Variants in FBXW10B observed in about 807,000 individuals in gnomAD.
FBXW10B encodes the protein F-box and WD repeat domain containing 10B, also known as F-box and WD repeat domain containing protein 10B.
the FBXW10B span, among the ~76,000 whole-genome samples, chr17:15,608,955 T>G: frequency 1.3e-5 from 2 of 151,650 alleles, no homozygotes; most frequent in Non-Finnish European, 2.9e-5. Flanking sequence ...ATTTCCTTCC[T>G]GCCTGCCTGC....
the FBXW10B span, among the ~76,000 whole-genome samples, chr17:15,606,827 T>C: frequency 9.2e-5 from 14 of 152,166 alleles, no homozygotes; most frequent in African/African-American, 3.1e-4. Context: ...CTGTTCTGTC[T>C]TCCCCATACT....
the FBXW10B span, chr17:15,573,085 TCTC>T: frequency 6.6e-6 from 1 of 152,258 alleles, no homozygotes; most frequent in African/African-American, 2.4e-5. Context: ...TGCCTACTCT[TCTC>T]TGAAACGTTC....
the FBXW10B span, among the ~76,000 whole-genome samples, chr17:15,570,362 G>A: frequency 2.2e-4 from 33 of 152,204 alleles, no homozygotes; most frequent in Non-Finnish European, 3.1e-4. Context: ...CAAAGACCAT[G>A]TCAGGCAAGA....
chr17:15,567,133 G>C, the FBXW10B span, among the ~76,000 whole-genome samples: 1 of 151,670 alleles, frequency 6.6e-6, no homozygotes, highest in African/African-American at 2.4e-5. Context: ...TTAGCCGGGC[G>C]TGGTGGCAGG....
chr17:15,617,538 A>G, the FBXW10B span, among the ~76,000 whole-genome samples: 1 of 152,106 alleles, frequency 6.6e-6, no homozygotes, highest in Admixed American at 6.6e-5. Context: ...GCTGGAAGTG[A>G]GGTTTGATGG....
the FBXW10B span, chr17:15,574,088 C>G: frequency 1.4e-6 from 1 of 718,764 alleles, no homozygotes; most frequent in Admixed American, 2.1e-5. Flanking sequence ...CTGGTTGCCT[C>G]CGTCACTGTT....
chr17:15,596,324 G>A, the FBXW10B span: 5 of 350,356 alleles, frequency 1.4e-5, no homozygotes, highest in South Asian at 4.6e-4. Flanking sequence ...CATGATGTGG[G>A]CGGTGGAGCC....
At chr17:15,612,690 T>C in the FBXW10B span, 2 of 1,614,012 alleles carry the variant, frequency 1.2e-6, no homozygotes, top group Admixed American at 3.3e-5. Context: ...CCAGATGCTG[T>C]TGGAACCCAC....
At chr17:15,579,063 C>G in the FBXW10B span, among the ~76,000 whole-genome samples, 1 of 151,602 alleles carries the variant, frequency 6.6e-6, no homozygotes, top group East Asian at 1.9e-4. Flanking sequence ...TGCCTATAAT[C>G]GCAGCTACTC....
the FBXW10B span, among the ~76,000 whole-genome samples, chr17:15,581,667 T>C: frequency 6.6e-6 from 1 of 151,962 alleles, no homozygotes; most frequent in African/African-American, 2.4e-5. Flanking sequence ...GAGCGGCTTA[T>C]GTTGGCTCAG....
chr17:15,584,791 C>G, the FBXW10B span, among the ~76,000 whole-genome samples: 1 of 152,130 alleles, frequency 6.6e-6, no homozygotes, highest in Admixed American at 6.5e-5. Context: ...CAAAATTGAG[C>G]CACATCATTT....
chr17:15,572,293 C>T, the FBXW10B span: 1 of 152,194 alleles, frequency 6.6e-6, no homozygotes, highest in African/African-American at 2.4e-5. Context: ...GCAACCCTGA[C>T]CATATTACTA....
the FBXW10B span, among the ~76,000 whole-genome samples, chr17:15,602,298 T>TC: frequency 3.3e-5 from 5 of 152,196 alleles, no homozygotes; most frequent in Admixed American, 3.3e-4. Flanking sequence ...ATGGGAAATT[T>TC]CCATGTGATA....
chr17:15,614,646 G>C, the FBXW10B span, among the ~76,000 whole-genome samples: 3 of 152,210 alleles, frequency 2.0e-5, no homozygotes, highest in Non-Finnish European at 2.9e-5. Context: ...CTTAAGAAAG[G>C]GGGGAAAATG....
At chr17:15,571,529 T>C in the FBXW10B span, 1 of 152,230 alleles carries the variant, frequency 6.6e-6, no homozygotes, top group Admixed American at 6.5e-5. Context: ...AATACAGTGC[T>C]GACAAGGGTG....
the FBXW10B span, chr17:15,598,482 C>G: frequency 2.5e-6 from 4 of 1,613,080 alleles, no homozygotes; most frequent in East Asian, 6.7e-5. Context: ...TTTTGGTAAC[C>G]TGTGGGTCGG....
chr17:15,569,428 A>G, the FBXW10B span, among the ~76,000 whole-genome samples: 8 of 95,806 alleles, frequency 8.4e-5, no homozygotes, highest in Non-Finnish European at 1.9e-4. Flanking sequence ...GGCTATTCGT[A>G]TGTCTTCTTT....
At chr17:15,619,411 T>G in the FBXW10B span, 2 of 1,613,908 alleles carry the variant, frequency 1.2e-6, no homozygotes, top group Non-Finnish European at 1.7e-6. Context: ...TCTTCCAGGC[T>G]AAGACACGCG....
At chr17:15,595,361 G>C in the FBXW10B span, among the ~76,000 whole-genome samples, 3 of 151,670 alleles carry the variant, frequency 2.0e-5, no homozygotes, top group Middle Eastern at 3.2e-3. Context: ...AAGAAAAAAA[G>C]AAAAGAAAAA....
Sources: gnomAD v4.1 joint callset for allele counts (sites outside exome capture counted in the v4.1 genomes callset) on GRCh38, gnomAD v4.1.1 for gene constraint, MANE v1.5 for transcripts, NCBI Gene and HGNC (gene_info 2026-07-23, HGNC 2026-07-21) for gene names.